SUMF1: variants seen among roughly 807,000 people sequenced by gnomAD.
The protein encoded by SUMF1 is sulfatase modifying factor 1.
In SUMF1, 48 loss-of-function variants were observed where a neutral mutation model predicts 47.6. The ratio of observed to expected loss-of-function variants is 1.01; its 90% CI spans 0.80 to 1.28. SUMF1 has a LOEUF of 1.28. Ranked by LOEUF, SUMF1 falls within the 50% of genes most tolerant of loss-of-function variation. The probability of loss-of-function intolerance (pLI) is 0.00; values close to 1 mark genes in which losing one functional copy is unlikely to be tolerated. For missense variants in SUMF1, 571 were observed against 485.4 expected, an observed-to-expected ratio of 1.18 and a Z score of -1.66; for synonymous variants, 230 against 192.1, an observed-to-expected ratio of 1.20 and a Z score of -1.63.
At chr3:4,183,686 C>G (rs551553670) in intron 8 of SUMF1, among the ~76,000 whole-genome samples, 2 of 152,278 alleles carry the variant, frequency 1.3e-5, no homozygotes, top group East Asian at 3.9e-4. Context: ...CTGAACAACA[C>G]TGAAAATCAA....
chr3:4,149,195 A>T (rs1184423081), intron 8 of SUMF1, among the ~76,000 whole-genome samples: 2 of 152,134 alleles, frequency 1.3e-5, no homozygotes, highest in Admixed American at 1.3e-4. Flanking sequence ...TTACTTTCTT[A>T]CTATGGGACT....
intron 9 of SUMF1, chr3:4,068,505 G>A (rs1695433517): frequency 5.6e-6 from 1 of 178,954 alleles, no homozygotes. Context: ...AAATGTTTGT[G>A]GGGTTTTTTA....
intron 8 of SUMF1, among the ~76,000 whole-genome samples, chr3:4,323,637 G>A (rs1046260318): frequency 6.6e-6 from 1 of 152,082 alleles, no homozygotes; most frequent in Non-Finnish European, 1.5e-5. Context: ...ACAACCACCT[G>A]GTACCTCTGG....
intron 3 of SUMF1, among the ~76,000 whole-genome samples, chr3:4,424,716 C>T (rs1443954786): frequency 1.3e-5 from 2 of 152,102 alleles, no homozygotes; most frequent in Non-Finnish European, 2.9e-5. Context: ...TAAAGGTAAC[C>T]TATAGAATAC....
intron 8 of SUMF1, among the ~76,000 whole-genome samples, chr3:4,236,827 G>A (rs768635021): frequency 6.6e-6 from 1 of 152,010 alleles, no homozygotes; most frequent in African/African-American, 2.4e-5. Context: ...TTTGACAAAC[G>A]TATAATGACA....
intron 3 of SUMF1, among the ~76,000 whole-genome samples, chr3:4,421,808 A>T (rs1701908487): frequency 6.6e-6 from 1 of 152,198 alleles, no homozygotes; most frequent in African/African-American, 2.4e-5. Flanking sequence ...TCTAATACAA[A>T]TACAAATACA....
At chr3:4,073,450 G>A (rs907143889) in intron 8 of SUMF1, among the ~76,000 whole-genome samples, 1 of 152,088 alleles carries the variant, frequency 6.6e-6, no homozygotes, top group African/African-American at 2.4e-5. Context: ...TAACCAGCTA[G>A]CATCATAATG....
At chr3:4,415,155 A>T (rs1177517075) in intron 6 of SUMF1, among the ~76,000 whole-genome samples, 3 of 144,686 alleles carry the variant, frequency 2.1e-5, no homozygotes, top group Admixed American at 1.4e-4. Flanking sequence ...TGAACCCAGG[A>T]GGCGGAGGTT....
At chr3:4,257,892 T>A (rs979794411) in intron 8 of SUMF1, among the ~76,000 whole-genome samples, 1 of 151,192 alleles carries the variant, frequency 6.6e-6, no homozygotes, top group Non-Finnish European at 1.5e-5. Context: ...CAAAACAGCA[T>A]GGTACTGGTA....
intron 8 of SUMF1, among the ~76,000 whole-genome samples, chr3:4,249,898 T>C (rs73115986): frequency 0.014 from 2,153 of 152,208 alleles, 38 homozygotes; most frequent in African/African-American, 0.046. Flanking sequence ...AAGAGTCTCA[T>C]TGGGCCAGGG....
chr3:4,087,514 T>A (rs1162349264), intron 8 of SUMF1, among the ~76,000 whole-genome samples: 2 of 152,068 alleles, frequency 1.3e-5, no homozygotes, highest in South Asian at 2.1e-4. Context: ...GTTCTCAAAC[T>A]TTTTGGTCTG....
intron 8 of SUMF1, among the ~76,000 whole-genome samples, chr3:4,250,685 A>G (rs2125009218): frequency 6.6e-6 from 1 of 152,168 alleles, no homozygotes; most frequent in East Asian, 1.9e-4. Context: ...GCCAGTGCTC[A>G]TTGACCATTC....
chr3:4,185,221 G>A (rs917151520), intron 8 of SUMF1, among the ~76,000 whole-genome samples: 3 of 152,116 alleles, frequency 2.0e-5, no homozygotes, highest in Non-Finnish European at 2.9e-5. Context: ...CATAACTGAA[G>A]CTTCAAAGAG....
At chr3:4,207,874 T>C (rs1695687737) in intron 8 of SUMF1, among the ~76,000 whole-genome samples, 1 of 152,068 alleles carries the variant, frequency 6.6e-6, no homozygotes, top group Non-Finnish European at 1.5e-5. Context: ...AATGTTGAAA[T>C]GTAATTGACA....
intron 7 of SUMF1, among the ~76,000 whole-genome samples, chr3:4,385,791 G>C (rs1700652793): frequency 6.6e-6 from 1 of 152,096 alleles, no homozygotes; most frequent in Non-Finnish European, 1.5e-5. Context: ...GATTCATTTG[G>C]AGTCAATTTT....
At chr3:4,429,947 A>C (rs576807703) in intron 3 of SUMF1, among the ~76,000 whole-genome samples, 4 of 152,232 alleles carry the variant, frequency 2.6e-5, no homozygotes, top group Non-Finnish European at 5.9e-5. Flanking sequence ...GAACATTTGC[A>C]TACTTTTAAA....
chr3:4,069,150 G>C (rs1695453869), intron 8 of SUMF1, among the ~76,000 whole-genome samples: 1 of 152,148 alleles, frequency 6.6e-6, no homozygotes. Context: ...GTTGTAGGGA[G>C]AAAGAACACA....
rs369878822 is a variant in SUMF1, at chr3:4,183,037, G to A, written c.1015-114292C>T. Among the ~76,000 whole-genome samples the A allele has an allele frequency of 2.0e-4, 31 of 152,152 alleles. 3 individuals carry two copies. Among genetic ancestry groups the A allele is most frequent in the Non-Finnish European group, 2.1e-4 (14 of 67,996 alleles). On this transcript the variant is annotated intron_variant and NMD_transcript_variant, in intron 8 of 12. Coordinates refer to the SUMF1 transcript ENST00000448413. ...GTGTGACCATATACTTTCTGCTATC[G>A]GCCAACTGGGAATAAGAAAGTTTAT...
intron 8 of SUMF1, among the ~76,000 whole-genome samples, chr3:4,141,669 T>TCAAA (rs138261177): frequency 0.031 from 4,679 of 151,916 alleles, 257 homozygotes; most frequent in African/African-American, 0.11. Flanking sequence ...CTTCAAAGCC[T>TCAAA]CAAACAAACA....
Sources: gnomAD v4.1 joint callset for allele counts (sites outside exome capture counted in the v4.1 genomes callset) on GRCh38, gnomAD v4.1.1 for gene constraint, MANE v1.5 for transcripts, NCBI Gene and HGNC (gene_info 2026-07-23, HGNC 2026-07-21) for gene names.